The following NCKAP5 variants were observed in gnomAD, a reference collection of about 807,000 sequenced individuals.
NCKAP5 encodes the protein NCK associated protein 5, also known as nck-associated protein 5.
Under a neutral mutation model 167.0 loss-of-function variants are expected in NCKAP5, and 92 were observed. The observed-to-expected ratio is 0.55, with a 90% confidence interval of 0.47 to 0.66. NCKAP5 has a LOEUF of 0.66. NCKAP5 is among the 30% of genes least tolerant of loss of function. NCKAP5 has a pLI of 0.00. For synonymous variants in NCKAP5, 891 were observed against 877.4 expected (o/e 1.02, Z -0.27); for missense variants, 2,378 against 2,315.0 (o/e 1.03, Z -0.56).
intron 6 of NCKAP5, among the ~76,000 whole-genome samples, chr2:133,052,320 A>G (rs1422087298): frequency 6.6e-6 from 1 of 152,214 alleles, no homozygotes; most frequent in Non-Finnish European, 1.5e-5. Context: ...TTCTGACACC[A>G]AAGCTGATAG....
At chr2:133,437,176 AC>A (rs1396438555) in intron 3 of NCKAP5, among the ~76,000 whole-genome samples, 1 of 151,982 alleles carries the variant, frequency 6.6e-6, no homozygotes, top group South Asian at 2.1e-4. Context: ...ACATGGTGAA[AC>A]CCCGTCTCTA....
At chr2:133,086,550 G>A (rs951920118) in intron 6 of NCKAP5, among the ~76,000 whole-genome samples, 1 of 152,094 alleles carries the variant, frequency 6.6e-6, no homozygotes, top group African/African-American at 2.4e-5. Flanking sequence ...GCTGAGGTGG[G>A]AGGATCGCCT....
At chr2:133,563,264 C>T (rs531344840) in intron 1 of NCKAP5, among the ~76,000 whole-genome samples, 2 of 152,120 alleles carry the variant, frequency 1.3e-5, no homozygotes, top group African/African-American at 4.8e-5. Flanking sequence ...TAAACTTGGG[C>T]TACTCTACAA....
chr2:132,925,428 G>T (rs1695791361), intron 8 of NCKAP5, among the ~76,000 whole-genome samples: 1 of 151,920 alleles, frequency 6.6e-6, no homozygotes, highest in South Asian at 2.1e-4. Context: ...CGGGCATGGT[G>T]GCAGGCACCT....
chr2:133,614,187 C>T, the NCKAP5 span, among the ~76,000 whole-genome samples: 2 of 152,150 alleles, frequency 1.3e-5, no homozygotes, highest in Non-Finnish European at 2.9e-5. Context: ...CTTGCTTTCT[C>T]AACAGGGAGT....
chr2:133,409,622 G>GC (rs59473027), intron 3 of NCKAP5, among the ~76,000 whole-genome samples: 152,282 of 152,288 alleles, frequency 1, 76,138 homozygotes, highest in Middle Eastern at 1. Flanking sequence ...GGCTTTTGGA[G>GC]CCAAGGTTAG....
At position 133,562,008 on chromosome 2, in the gene NCKAP5, G is replaced by A. The variant is rs765726617; in HGVS notation, c.-129-2891C>T. Reference sequence around the variant, plus strand: ...GCACTATGCATGTAATTAAAACTGCGATATAATTATATTGAAGAATAGGGA... The same window carrying A: ...GCACTATGCATGTAATTAAAACTGCAATATAATTATATTGAAGAATAGGGA... On this transcript the variant is annotated intron_variant, in intron 1 of 19. Transcript: ENST00000409261. Among the ~76,000 whole-genome samples, 10 of 151,934 alleles carry A rather than the reference G, an allele frequency of 6.6e-5. 1 individual carries two copies. Among genetic ancestry groups the A allele is most frequent in the South Asian group, 4.1e-4 (2 of 4,822 alleles).
chr2:133,008,016 T>C (rs962640496), intron 6 of NCKAP5, among the ~76,000 whole-genome samples: 3 of 152,182 alleles, frequency 2.0e-5, no homozygotes, highest in African/African-American at 4.8e-5. Flanking sequence ...GGTGCTAATA[T>C]GCTGTCTTCT....
intron 2 of NCKAP5, among the ~76,000 whole-genome samples, chr2:133,533,511 C>G (rs891015837): frequency 9.9e-5 from 15 of 151,974 alleles, no homozygotes; most frequent in Admixed American, 7.2e-4. Context: ...TGTAAAACCC[C>G]AAGAAGAAGA....
Position 132,783,696 on chromosome 2 carries a change from C to A in NCKAP5, c.3115G>T (p.Val1039Phe), listed in dbSNP as rs1476260067. The A allele has an allele frequency of 2.5e-6, 4 of 1,613,440 alleles. No homozygotes were observed. Among genetic ancestry groups the A allele is most frequent in the South Asian group, 2.2e-5 (2 of 91,012 alleles). Residue 1039 changes from valine (V) to phenylalanine (F), a missense_variant, in exon 14 of 20, where the codon GTC becomes TTC. By Grantham distance (50) the Val-to-Phe change is conservative. Around this residue, in one of 3 missense-constraint regions of NCKAP5, gnomAD observed 1,325 missense variants for 1,274.5 expected, o/e 1.04. Transcript: ENST00000409261. ...FTVMALGPPK[V>F]SPKRGVPKTS... ...TTGGGGACACCTCTCTTCGGAGAGA[C>A]CTTTGGAGGCCCCAGAGCCATTACG...
intron 11 of NCKAP5, among the ~76,000 whole-genome samples, chr2:132,815,442 A>AT (rs1686190717): frequency 2.0e-5 from 3 of 152,224 alleles, no homozygotes; most frequent in South Asian, 4.1e-4. Context: ...AAAGACAACA[A>AT]TTTTTTTCTT....
chr2:133,524,538 T>C (rs1419007733), intron 2 of NCKAP5, among the ~76,000 whole-genome samples: 1 of 151,790 alleles, frequency 6.6e-6, no homozygotes, highest in African/African-American at 2.4e-5. Flanking sequence ...TCACGTAGAG[T>C]TTCAGGGAAA....
intron 3 of NCKAP5, among the ~76,000 whole-genome samples, chr2:133,359,162 C>T (rs1684928990): frequency 6.6e-6 from 1 of 152,086 alleles, no homozygotes; most frequent in African/African-American, 2.4e-5. Flanking sequence ...TAGCAGGCAC[C>T]TTGGTATTAT....
intron 4 of NCKAP5, among the ~76,000 whole-genome samples, chr2:133,222,627 A>G (rs533008807): frequency 1.5e-5 from 2 of 135,570 alleles, no homozygotes; most frequent in African/African-American, 4.9e-5. Context: ...AATAGTTATA[A>G]AAACAGTTTT....
At chr2:133,614,005 G>T in the NCKAP5 span, among the ~76,000 whole-genome samples, 1 of 152,180 alleles carries the variant, frequency 6.6e-6, no homozygotes, top group Admixed American at 6.5e-5. Context: ...GGCAGGACTA[G>T]CTTGCAGCCC....
chr2:133,488,203 G>A (rs552243964), intron 3 of NCKAP5, among the ~76,000 whole-genome samples: 132 of 152,296 alleles, frequency 8.7e-4, no homozygotes, highest in African/African-American at 3.0e-3. Context: ...TTCATGGAAT[G>A]CTTTACTTAG....
At chr2:132,765,190 C>T (rs1199873374) in intron 16 of NCKAP5, among the ~76,000 whole-genome samples, 1 of 152,082 alleles carries the variant, frequency 6.6e-6, no homozygotes, top group Non-Finnish European at 1.5e-5. Context: ...AGGTTAACTG[C>T]ACATAGAGCA....
chr2:133,121,552 G>A (rs1048790372), intron 6 of NCKAP5, among the ~76,000 whole-genome samples: 1 of 152,088 alleles, frequency 6.6e-6, no homozygotes, highest in African/African-American at 2.4e-5. Flanking sequence ...TATTTATTTT[G>A]TGTGGCTTCC....
chr2:133,440,272 C>T (rs11896860), intron 3 of NCKAP5, among the ~76,000 whole-genome samples: 33,988 of 152,054 alleles, frequency 0.22, 3,995 homozygotes, highest in African/African-American at 0.26. Flanking sequence ...AGCCTGAGTA[C>T]GTTTCCACAT....
Sources: gnomAD v4.1 joint callset for allele counts (sites outside exome capture counted in the v4.1 genomes callset) on GRCh38, gnomAD v4.1.1 for gene constraint, gnomAD v4.1.1 regional missense constraint, MANE v1.5 for transcripts, NCBI Gene and HGNC (gene_info 2026-07-23, HGNC 2026-07-21) for gene names.